WDTC1: variants seen among roughly 807,000 people sequenced by gnomAD.
WDTC1 encodes WD and tetratricopeptide repeats protein 1.
A neutral mutation model predicts 76.0 loss-of-function variants in WDTC1; 12 were observed. The ratio of observed to expected loss-of-function variants is 0.16; its 90% CI spans 0.10 to 0.26. The LOEUF (loss-of-function observed/expected upper bound fraction) is 0.26, where lower values mean the gene tolerates loss of function less well. Among genes scored for constraint, WDTC1 ranks in the 10% least tolerant of loss-of-function variants. The pLI is 1.00. For missense variants in WDTC1, 511 were observed against 908.8 expected (o/e 0.56, Z 5.63); for synonymous variants, 326 against 350.8 (o/e 0.93, Z 0.79).
chr1:27,254,937 T>C (rs2012225725), intron 1 of WDTC1, among the ~76,000 whole-genome samples: 1 of 152,058 alleles, frequency 6.6e-6, no homozygotes. Flanking sequence ...AAATTTGACA[T>C]TTTGTTTTTT....
At chr1:27,239,828 CA>C (rs1386333677) in intron 1 of WDTC1, among the ~76,000 whole-genome samples, 1 of 147,824 alleles carries the variant, frequency 6.8e-6, no homozygotes, top group Non-Finnish European at 1.5e-5. Flanking sequence ...AAAAAAAAAC[CA>C]AAAAAACCCA....
At chr1:27,285,996 G>GTTTTTT (rs5773184) in intron 5 of WDTC1, among the ~76,000 whole-genome samples, 12 of 63,314 alleles carry the variant, frequency 1.9e-4, no homozygotes, top group Non-Finnish European at 2.8e-4. Context: ...CAGGATGGTG[G>GTTTTTT]TTTTTTTTTT....
At chr1:27,283,833 C>T (rs775098215) in intron 5 of WDTC1, among the ~76,000 whole-genome samples, 4 of 152,170 alleles carry the variant, frequency 2.6e-5, no homozygotes, top group Admixed American at 6.5e-5. Context: ...AAGGAAGCAG[C>T]GAAGGAAAAT....
chr1:27,298,115 A>ATG lies in WDTC1; in HGVS notation c.1232+4_1232+5insTG. On this transcript the variant is annotated splice_donor_region_variant and intron_variant, in intron 12 of 15. Transcript: ENST00000319394. Reference sequence around the variant, plus strand: ...CAGCCTACATGAAGCGCAAGTGGTGAGTGGCCACTGCAGAGGGGATCTGGG... The same window carrying ATG: ...CAGCCTACATGAAGCGCAAGTGGTGATGGTGGCCACTGCAGAGGGGATCTGGG... The ATG allele has an allele frequency of 6.2e-7, 1 of 1,601,676 alleles. No homozygotes were observed. The highest frequency in any genetic ancestry group is 8.5e-7 in the Non-Finnish European group (1 of 1,171,852).
chr1:27,249,002 T>TC (rs2011945612), intron 1 of WDTC1, among the ~76,000 whole-genome samples: 1 of 152,128 alleles, frequency 6.6e-6, no homozygotes, highest in Admixed American at 6.6e-5. Flanking sequence ...GCTCAGTGGC[T>TC]CACACCTGTA....
chr1:27,241,323 G>A (rs971669696), intron 1 of WDTC1, among the ~76,000 whole-genome samples: 1 of 152,080 alleles, frequency 6.6e-6, no homozygotes, highest in African/African-American at 2.4e-5. Flanking sequence ...GCAGTGTTTG[G>A]ATCAGGACTT....
chr1:27,246,222 A>G (rs1184791105), intron 1 of WDTC1, among the ~76,000 whole-genome samples: 1 of 152,234 alleles, frequency 6.6e-6, no homozygotes, highest in Admixed American at 6.5e-5. Context: ...AAAGAAACAC[A>G]TACCCTTGAG....
At chr1:27,240,972 C>CA (rs10683474) in intron 1 of WDTC1, among the ~76,000 whole-genome samples, 6,706 of 137,334 alleles carry the variant, frequency 0.049, 264 homozygotes, top group Middle Eastern at 0.065. Flanking sequence ...GACTCCATCT[C>CA]AAAAAAAAAA....
intron 5 of WDTC1, 133 bp from the exon 6 acceptor site, chr1:27,287,541 C>T (rs530431587): frequency 1.7e-4 from 169 of 1,007,480 alleles, no homozygotes; most frequent in Non-Finnish European, 2.1e-4. Flanking sequence ...CATGAGCCAC[C>T]GCGCCCAGCC....
chr1:27,250,845 C>T (rs969258725), intron 1 of WDTC1, among the ~76,000 whole-genome samples: 5 of 150,522 alleles, frequency 3.3e-5, no homozygotes, highest in African/African-American at 9.8e-5. Context: ...TCCTCCAAAT[C>T]GAGCTGTTAA....
At chr1:27,273,994 A>C in intron 3 of WDTC1, among the ~76,000 whole-genome samples, 1 of 152,158 alleles carries the variant, frequency 6.6e-6, no homozygotes, top group East Asian at 1.9e-4. Context: ...TAAATTGTTC[A>C]TTAGGAAAAT....
At chr1:27,268,558 A>G (rs575323223) in intron 3 of WDTC1, among the ~76,000 whole-genome samples, 1 of 151,428 alleles carries the variant, frequency 6.6e-6, no homozygotes, top group East Asian at 2.0e-4. Flanking sequence ...AGCTGTGATT[A>G]CAGGCGTGTG....
intron 9 of WDTC1, 137 bp downstream of exon 9, chr1:27,294,766 GTGA>G (rs1221139438): frequency 2.3e-5 from 16 of 704,692 alleles, no homozygotes; most frequent in Non-Finnish European, 3.8e-5. Context: ...AAATGTGGGG[GTGA>G]TGTGGCATCA....
At chr1:27,273,090 A>C (rs560151874) in intron 3 of WDTC1, among the ~76,000 whole-genome samples, 1 of 152,118 alleles carries the variant, frequency 6.6e-6, no homozygotes, top group African/African-American at 2.4e-5. Context: ...TAGTCTTGGG[A>C]CAGGGCAAAA....
chr1:27,295,359 A>G (rs560012302), intron 9 of WDTC1, among the ~76,000 whole-genome samples: 15 of 152,352 alleles, frequency 9.8e-5, no homozygotes, highest in East Asian at 9.6e-4. Flanking sequence ...GGACCTGTCC[A>G]AGGAATCATG....
Position 27,276,306 on chromosome 1 carries a change from G to A in WDTC1, c.133-5933G>A, listed in dbSNP as rs186639058. Among the ~76,000 whole-genome samples, 5 of 152,280 alleles carry A rather than the reference G, an allele frequency of 3.3e-5. No individual in the cohort carries two copies. In the East Asian group the frequency reaches 9.7e-4, roughly 29 times the overall value. ...AACTTTTTTGAGGAACTGCCAAACT[G>A]TTTTCCAAAGTGGTACCACCATTTT... On this transcript the variant is annotated intron_variant, in intron 3 of 15. Transcript: ENST00000319394.
intron 3 of WDTC1, among the ~76,000 whole-genome samples, chr1:27,273,301 C>T (rs989442059): frequency 4.6e-5 from 7 of 151,316 alleles, no homozygotes; most frequent in African/African-American, 1.7e-4. Context: ...CTCTGCCTCC[C>T]AGGTTCACGC....
At chr1:27,246,646 C>T (rs2011843192) in intron 1 of WDTC1, among the ~76,000 whole-genome samples, 1 of 152,020 alleles carries the variant, frequency 6.6e-6, no homozygotes, top group Non-Finnish European at 1.5e-5. Context: ...ACTGCAACCT[C>T]CGCCTTCCAG....
chr1:27,282,099 C>T (rs2013206463), intron 3 of WDTC1, 140 bp from the exon 4 acceptor site: 3 of 698,044 alleles, frequency 4.3e-6, no homozygotes, highest in Non-Finnish European at 7.4e-6. Flanking sequence ...AGTTTAAGTC[C>T]ACTTTGGCCA....
Sources: allele counts gnomAD v4.1 joint callset (sites outside exome capture counted in the v4.1 genomes callset), GRCh38; gene constraint gnomAD v4.1.1; transcripts MANE v1.5; gene names NCBI Gene and HGNC (gene_info 2026-07-23, HGNC 2026-07-21).